The following CTNNA2 variants were observed in gnomAD, a reference collection of about 807,000 sequenced individuals.
The protein encoded by CTNNA2 is catenin alpha 2.
In CTNNA2, 42 loss-of-function variants were observed where a neutral mutation model predicts 101.0. The observed-to-expected ratio is 0.42, with a 90% CI of 0.32 to 0.54. The LOEUF (loss-of-function observed/expected upper bound fraction) is 0.54. CTNNA2 is among the 20% of genes least tolerant of loss of function. CTNNA2 has a pLI of 0.14. For synonymous variants in CTNNA2, 450 were observed against 456.4 expected, an observed-to-expected ratio of 0.99 and a Z score of 0.18; for missense variants, 871 against 1,223.1, an observed-to-expected ratio of 0.71 and a Z score of 4.29.
At position 79,890,871 on chromosome 2, in the gene CTNNA2, G is replaced by A. The variant is rs116685687; in HGVS notation, c.852+16529G>A. On this transcript the variant is annotated intron_variant, in intron 6 of 18. Transcript: ENST00000402739. ...TGAGCGCTCACTCTGTGCTTCAAAG[G>A]TGATGCCTTCTTACTGTGTCATCAC... Among the ~76,000 whole-genome samples, 246 of 139,856 alleles carry A rather than the reference G, an allele frequency of 1.8e-3. 2 individuals carry two copies. Among genetic ancestry groups the A allele is most frequent in the African/African-American group, 6.3e-3 (239 of 37,932 alleles). 91.8% of individuals were successfully genotyped at this position (139,856 alleles called of 152,430 possible).
At chr2:80,238,482 A>G (rs7599231) in intron 7 of CTNNA2, among the ~76,000 whole-genome samples, 18,406 of 152,140 alleles carry the variant, frequency 0.12, 2,626 homozygotes, top group African/African-American at 0.34. Context: ...TGAAGCTGGG[A>G]AAGGGAATGA....
intron 9 of CTNNA2, among the ~76,000 whole-genome samples, chr2:80,440,989 C>A (rs1159529258): frequency 6.6e-6 from 1 of 152,212 alleles, no homozygotes; most frequent in African/African-American, 2.4e-5. Flanking sequence ...CGGCCACTAT[C>A]TGGAATATGC....
chr2:79,421,300 G>A (rs1490051919), intron 4 of CTNNA2, among the ~76,000 whole-genome samples: 1 of 152,184 alleles, frequency 6.6e-6, no homozygotes, highest in Non-Finnish European at 1.5e-5. Context: ...AGTGATGAGA[G>A]ATGTGAAATG....
chr2:80,107,049 C>A (rs1428132955), intron 7 of CTNNA2, among the ~76,000 whole-genome samples: 1 of 152,140 alleles, frequency 6.6e-6, no homozygotes, highest in African/African-American at 2.4e-5. Flanking sequence ...GACCATTCAT[C>A]ACTCCCAACA....
chr2:80,347,838 C>CTTTT (rs778989197), intron 7 of CTNNA2, among the ~76,000 whole-genome samples: 12,328 of 146,360 alleles, frequency 0.084, 1,435 homozygotes, highest in African/African-American at 0.26. Context: ...TTTTTCTTTT[C>CTTTT]TTTTCTTTTT....
intron 3 of CTNNA2, among the ~76,000 whole-genome samples, chr2:79,748,999 A>C (rs2105016119): frequency 6.6e-6 from 1 of 152,240 alleles, no homozygotes; most frequent in African/African-American, 2.4e-5. Context: ...ACGGGGGAGA[A>C]GTCTAGTGGC....
At chr2:79,772,392 A>G (rs949789835) in intron 3 of CTNNA2, among the ~76,000 whole-genome samples, 2 of 152,206 alleles carry the variant, frequency 1.3e-5, no homozygotes, top group Non-Finnish European at 2.9e-5. Context: ...TTTAATAAAA[A>G]GATGCAAAAA....
At chr2:80,550,128 A>T (rs1225391882) in intron 11 of CTNNA2, among the ~76,000 whole-genome samples, 1 of 152,238 alleles carries the variant, frequency 6.6e-6, no homozygotes. Context: ...CAATTGCAAT[A>T]AGGTGAATCA....
intron 7 of CTNNA2, among the ~76,000 whole-genome samples, chr2:80,352,360 G>A (rs1057423544): frequency 1.3e-5 from 2 of 152,090 alleles, no homozygotes; most frequent in African/African-American, 4.8e-5. Context: ...TAATGTAATG[G>A]ATATTGAAAA....
At chr2:80,198,150 A>C (rs191147380) in intron 7 of CTNNA2, among the ~76,000 whole-genome samples, 2 of 152,328 alleles carry the variant, frequency 1.3e-5, no homozygotes, top group East Asian at 3.9e-4. Flanking sequence ...ACTCCAATGG[A>C]GGAGGAGCTG....
chr2:79,340,921 T>C (rs919275183), intron 3 of CTNNA2, among the ~76,000 whole-genome samples: 2 of 139,230 alleles, frequency 1.4e-5, no homozygotes, highest in African/African-American at 5.3e-5. Flanking sequence ...AAGTTCTTGA[T>C]AGTAAAAAAG....
At chr2:80,534,175 C>G (rs1448750703) in intron 9 of CTNNA2, among the ~76,000 whole-genome samples, 1 of 152,092 alleles carries the variant, frequency 6.6e-6, no homozygotes, top group Non-Finnish European at 1.5e-5. Context: ...AAGAGCTGCT[C>G]TTCATCCCAG....
In CTNNA2 at chr2:79,618,711, A is replaced by G. The variant is rs1284860563; in HGVS notation, c.-5-32841A>G. Among the ~76,000 whole-genome samples, 11 of 152,274 alleles carry G rather than the reference A, an allele frequency of 7.2e-5. 1 individual carries two copies. In the East Asian group the frequency reaches 2.1e-3, roughly 29 times the overall value. ...TTCTTCTCCAAGTGCCAGAACATCT[A>G]TCTATATTCACTTCGTAATTCTGAA... On this transcript the variant is annotated intron_variant, in intron 1 of 18. Coordinates refer to ENST00000402739, the MANE Select transcript of CTNNA2 (RefSeq NM_001282597.3).
intron 9 of CTNNA2, among the ~76,000 whole-genome samples, chr2:80,436,278 A>G (rs1050361668): frequency 2.6e-5 from 4 of 152,152 alleles, no homozygotes; most frequent in African/African-American, 7.2e-5. Context: ...TCATTGTTCT[A>G]TGTGTGCCCC....
At chr2:79,955,300 C>T (rs1416427255) in intron 7 of CTNNA2, among the ~76,000 whole-genome samples, 1 of 152,072 alleles carries the variant, frequency 6.6e-6, no homozygotes, top group Non-Finnish European at 1.5e-5. Context: ...ATTTTAGAAG[C>T]CAGAAAAAAA....
intron 7 of CTNNA2, among the ~76,000 whole-genome samples, chr2:80,307,485 A>G (rs922750090): frequency 6.6e-6 from 1 of 152,162 alleles, no homozygotes; most frequent in Admixed American, 6.5e-5. Flanking sequence ...AAAAAAGAAA[A>G]AAAAAGCTCA....
chr2:80,120,790 A>G (rs776587118), intron 7 of CTNNA2, among the ~76,000 whole-genome samples: 116 of 152,260 alleles, frequency 7.6e-4, no homozygotes, highest in Middle Eastern at 3.4e-3. Context: ...ACCTAGACTC[A>G]TCTATTTAAT....
At chr2:79,705,360 G>A (rs1330331998) in intron 2 of CTNNA2, among the ~76,000 whole-genome samples, 1 of 152,130 alleles carries the variant, frequency 6.6e-6, no homozygotes, top group Non-Finnish European at 1.5e-5. Context: ...ACAGTTTATT[G>A]TTATAATTGA....
At chr2:79,294,597 A>C (rs993202655) in intron 2 of CTNNA2, among the ~76,000 whole-genome samples, 8 of 152,190 alleles carry the variant, frequency 5.3e-5, no homozygotes, top group African/African-American at 1.9e-4. Flanking sequence ...CAAGATACCA[A>C]ATAGAGACTT....
Sources: gnomAD v4.1 joint callset for allele counts (sites outside exome capture counted in the v4.1 genomes callset) on GRCh38, gnomAD v4.1.1 for gene constraint, MANE v1.5 for transcripts, NCBI Gene and HGNC (gene_info 2026-07-23, HGNC 2026-07-21) for gene names.